Variants in GBP4 observed in about 807,000 individuals in gnomAD.
GBP4 encodes guanylate binding protein 4.
A neutral mutation model predicts 62.2 loss-of-function variants in GBP4; 69 were observed. The ratio of observed to expected loss-of-function variants is 1.11; its 90% confidence interval spans 0.91 to 1.36. The LOEUF is 1.36. GBP4 is among the 40% of genes most tolerant of loss of function. GBP4 has a pLI of 0.00. For missense variants in GBP4, 697 were observed against 759.3 expected, an observed-to-expected ratio of 0.92 and a Z score of 0.96; for synonymous variants, 278 against 274.6, an observed-to-expected ratio of 1.01 and a Z score of -0.12.
intron 10 of GBP4, among the ~76,000 whole-genome samples, chr1:89,185,777 G>T (rs10922588): frequency 6.6e-6 from 1 of 152,174 alleles, no homozygotes; most frequent in Non-Finnish European, 1.5e-5. Flanking sequence ...ATTTCCACTG[G>T]TGTAGCAAGG....
intron 2 of GBP4, among the ~76,000 whole-genome samples, chr1:89,195,687 G>C (rs1341116861): frequency 6.6e-6 from 1 of 152,172 alleles, no homozygotes; most frequent in Non-Finnish European, 1.5e-5. Context: ...TAGGACATTA[G>C]GGGGAAGAAA....
rs774864883 is a variant in GBP4 at position 89,193,382 on chromosome 1, C to A, written c.394G>T (p.Ala132Ser). 2.5e-6 allele frequency: 4 copies of A among 1,614,106 alleles called. No homozygotes were observed. In the Admixed American group the frequency reaches 6.7e-5, roughly 27 times the overall value. The part of the protein sequence containing the change: ...SNPKNDSWIF[A>S]LAVLLSSSFV... Reference sequence around the variant, plus strand: ...CTGCTGCTTAGAAGCACAGCCAGGGCAAAGATCCACGAGTCATTCTTAGGG... The same window carrying A: ...CTGCTGCTTAGAAGCACAGCCAGGGAAAAGATCCACGAGTCATTCTTAGGG... Residue 132 changes from alanine to serine, a missense_variant, in exon 4 of 11, where the codon GCC becomes TCC. Transcript: ENST00000355754.
rs138420061 is a variant in GBP4 at position 89,193,407 on chromosome 1, G to A, written c.369C>T (p.Asn123=). The change falls in exon 4 of 11, where the codon AAC becomes AAT. Residue 123 remains asparagine, a synonymous_variant. Transcript: ENST00000355754. The part of the protein sequence containing the change: ...TEGLGDVEKS[N]PKNDSWIFAL... Reference sequence around the variant, plus strand: ...CAAAGATCCACGAGTCATTCTTAGGGTTACTCTAGAAAGCATATAAAGCAA... The same window carrying A: ...CAAAGATCCACGAGTCATTCTTAGGATTACTCTAGAAAGCATATAAAGCAA... 2 of 1,613,044 alleles carry A rather than the reference G, an allele frequency of 1.2e-6. No individual in the cohort carries two copies. Among genetic ancestry groups the A allele is most frequent in the South Asian group, 1.1e-5 (1 of 91,056 alleles).
At chr1:89,198,567 C>G in intron 1 of GBP4, 1 of 553,148 alleles carries the variant, frequency 1.8e-6, no homozygotes, top group Non-Finnish European at 3.3e-6. Flanking sequence ...GACACCGGTG[C>G]GCCTCTGGTC....
intron 8 of GBP4, 106 bp downstream of exon 8, chr1:89,188,475 TC>T: frequency 1.1e-6 from 1 of 871,972 alleles, no homozygotes; most frequent in Middle Eastern, 2.4e-4. Flanking sequence ...AGCATCATGT[TC>T]TGCTTCCTCT....
In GBP4 at chr1:89,191,319, A is replaced by T; in HGVS notation, c.858T>A (p.Tyr286Ter). 1 of 1,614,240 alleles carries T rather than the reference A, an allele frequency of 6.2e-7. No homozygotes were observed. Among genetic ancestry groups the T allele is most frequent in the Non-Finnish European group, 8.5e-7 (1 of 1,180,024 alleles). Residue 286 changes from tyrosine (Y) to a stop codon, truncating the protein, a stop_gained, in exon 6 of 11, where the codon TAT (tyrosine) becomes TAA (stop). Coordinates refer to ENST00000355754, the MANE Select transcript of GBP4 (RefSeq NM_052941.5). LOFTEE classifies it high-confidence loss of function. ...FLMQSDNFCS[Y>*]IFTHAKTKTL... ...TCTTGGTCTTTGCATGGGTGAAGAT[A>T]TAAGAACAGAAGTTGTCTGATTGCA...
At position 89,198,908 on chromosome 1, in the gene GBP4, A is replaced by G; in HGVS notation, c.-74T>C. 1 of 1,382,232 alleles carries G rather than the reference A, an allele frequency of 7.2e-7. No individual in the cohort carries two copies. The highest frequency in any genetic ancestry group is 1.4e-5 in the African/African-American group (1 of 70,406). 85.6% of individuals were successfully genotyped at this position (1,382,232 alleles called of 1,614,324 possible). On this transcript the variant is annotated 5_prime_UTR_variant, in exon 1 of 11. Transcript: ENST00000355754. The stretch of plus-strand genomic sequence containing the variant: ...AAGCTGAAAGTCCAGCCGGATTTAC[A>G]GACATCCAAGTAAGAGTCTGTGAGA...
rs1241396915 is a variant in GBP4 at position 89,197,106 on chromosome 1, T to A, written c.235+4A>T. The A allele has an allele frequency of 6.2e-7, 1 of 1,607,870 alleles. No homozygotes were observed. Among genetic ancestry groups the A allele is most frequent in the African/African-American group, 1.3e-5 (1 of 74,966 alleles). ...AATGGCTCCTGTCCTAGGACCACACTCACCATTGCGCTTTCCTGCAAGACG... is the reference window on the plus strand; with the variant it reads ...AATGGCTCCTGTCCTAGGACCACACACACCATTGCGCTTTCCTGCAAGACG... On this transcript the variant is annotated splice_donor_region_variant and intron_variant, in intron 2 of 10. Coordinates refer to ENST00000355754, the MANE Select transcript of GBP4 (RefSeq NM_052941.5).
chr1:89,190,884 A>G (rs1363299483), intron 6 of GBP4, among the ~76,000 whole-genome samples: 2 of 152,076 alleles, frequency 1.3e-5, no homozygotes, highest in African/African-American at 4.8e-5. Flanking sequence ...TTGTTTCTCA[A>G]ACTCTCAATG....
In GBP4 at chr1:89,184,282, T is replaced by G. The variant is rs1234439554; in HGVS notation, c.*972A>C. 2.6e-5 allele frequency: 4 copies of G among 152,198 alleles called. No individual in the cohort carries two copies. The highest frequency in any genetic ancestry group is 2.6e-4 in the Admixed American group (4 of 15,278). The allele number at this position is 152,198 out of a possible 1,614,324, so 9.4% of individuals were successfully genotyped here. ...AGTTTAGCCACTGTGGAAAGCAGGT[T>G]GGTGATTCCTCAAAGAACTCAGAAT... On this transcript the variant is annotated 3_prime_UTR_variant, in exon 11 of 11. Coordinates refer to ENST00000355754, the MANE Select transcript of GBP4 (RefSeq NM_052941.5).
intron 10 of GBP4, 67 bp from the exon 11 acceptor site, chr1:89,185,536 T>A: frequency 1.2e-6 from 1 of 820,714 alleles, no homozygotes; most frequent in Non-Finnish European, 2.0e-6. Flanking sequence ...GTTTTGTATT[T>A]AACTAATTCA....
chr1:89,186,289 AG>A lies in GBP4; in HGVS notation c.1707+43del, dbSNP rs780044147. On this transcript the variant is annotated intron_variant, in intron 10 of 10. Transcript: ENST00000355754. ...TTGGTCCTTCCTTTCCTAAAGAAGC[AG>A]GGCATTGTCCCTCAGGCACTGCCAT... 5.3e-6 allele frequency: 8 copies of A among 1,513,312 alleles called. No homozygotes were observed. In the Admixed American group the frequency reaches 1.3e-4, roughly 24 times the overall value. 93.7% of individuals were successfully genotyped at this position (1,513,312 alleles called of 1,614,324 possible). A position where few individuals can be genotyped will look rare whatever the true frequency, so the allele number is the denominator to read the frequency against.
rs1647922066 is a variant in GBP4 at position 89,182,843 on chromosome 1, GTTTTACT to G, written c.*2404_*2410del. 2.6e-5 allele frequency: 4 copies of G among 152,136 alleles called. No individual in the cohort carries two copies. The highest frequency in any genetic ancestry group is 2.6e-4 in the Admixed American group (4 of 15,274). The allele number at this position is 152,136 out of a possible 1,614,324, so 9.4% of individuals were successfully genotyped here. On this transcript the variant is annotated 3_prime_UTR_variant, in exon 11 of 11. Coordinates refer to ENST00000355754, the MANE Select transcript of GBP4 (RefSeq NM_052941.5). ...CCTGGCGCTGGGCTGCCTGTCTTTG[GTTTTACT>G]TCCTTGTTGTTTTTTCTTAAAACAG... is the stretch of plus-strand genomic sequence containing the variant.
chr1:89,194,302 A>G (rs1648268174), intron 3 of GBP4, among the ~76,000 whole-genome samples: 1 of 152,354 alleles, frequency 6.6e-6, no homozygotes, highest in African/African-American at 2.4e-5. Flanking sequence ...TGGTCCCCAA[A>G]TCACATTACA....
At position 89,183,777 on chromosome 1, in the gene GBP4, G is replaced by A. The variant is rs983477932; in HGVS notation, c.*1477C>T. The A allele has an allele frequency of 1.3e-5, 2 of 152,266 alleles. No homozygotes were observed. Among genetic ancestry groups the A allele is most frequent in the African/African-American group, 4.8e-5 (2 of 41,448 alleles). 9.4% of individuals were successfully genotyped at this position (152,266 alleles called of 1,614,324 possible). On this transcript the variant is annotated 3_prime_UTR_variant, in exon 11 of 11. Transcript: ENST00000355754. ...CACCTGTAGTCCCAGCTATGTGGGG[G>A]GTTGAGGTGAAAGGACTGCTTGAGC...
At position 89,191,388 on chromosome 1, in the gene GBP4, A is replaced by T; in HGVS notation, c.789T>A (p.His263Gln). Reference protein sequence around the residue: ...RPTNDKQYLNHMDEVPEENLE... With the variant: ...RPTNDKQYLNQMDEVPEENLE... ...GATTTTCTTCTGGCACTTCGTCCAT[A>T]TGATTTAAATATTGCTTGTCATTTG... The change falls in exon 6 of 11, where the codon CAT becomes CAA. Residue 263 changes from histidine (H) to glutamine (Q), a missense_variant. By Grantham distance (24) the His-to-Gln change is conservative (BLOSUM62 0). Around this residue, in one of 2 missense-constraint regions of GBP4, gnomAD observed 556 missense variants for 562.7 expected, o/e 0.99. Coordinates refer to ENST00000355754, the MANE Select transcript of GBP4 (RefSeq NM_052941.5). 6.2e-7 allele frequency: 1 copy of T among 1,614,208 alleles called. No individual in the cohort carries two copies. Among genetic ancestry groups the T allele is most frequent in the Non-Finnish European group, 8.5e-7 (1 of 1,180,024 alleles).
intron 6 of GBP4, 135 bp downstream of exon 6, chr1:89,191,126 A>G: frequency 3.0e-6 from 3 of 1,013,434 alleles, no homozygotes; most frequent in Middle Eastern, 3.4e-4. Flanking sequence ...ATTCATTTCT[A>G]TGTGTGCAAT....
Position 89,184,170 on chromosome 1 carries a change from G to A in GBP4, c.*1084C>T, listed in dbSNP as rs1647967147. On this transcript the variant is annotated 3_prime_UTR_variant, in exon 11 of 11. Transcript: ENST00000355754. ...ATACCATCTCACACCAGTCAGAATGGCTGTTACTAGAAAGTCAATAAATAA... is the reference window on the plus strand; with the variant it reads ...ATACCATCTCACACCAGTCAGAATGACTGTTACTAGAAAGTCAATAAATAA... The A allele has an allele frequency of 6.6e-6, 1 of 152,292 alleles. No homozygotes were observed. Among genetic ancestry groups the A allele is most frequent in the African/African-American group, 2.4e-5 (1 of 41,568 alleles). The allele number at this position is 152,292 out of a possible 1,614,324, so 9.4% of individuals were successfully genotyped here.
rs1648232114 is a variant in GBP4 at position 89,193,059 on chromosome 1, C to G, written c.515G>C (p.Cys172Ser). 6.2e-7 allele frequency: 1 copy of G among 1,614,056 alleles called. No individual in the cohort carries two copies. The highest frequency in any genetic ancestry group is 8.5e-7 in the Non-Finnish European group (1 of 1,180,028). Reference sequence around the variant, plus strand: ...GTCCTCAGCTTCATCAGGTCTGGGGCAGGATTTTGCCCTGATTAGCTCTGC... The same window carrying G: ...GTCCTCAGCTTCATCAGGTCTGGGGGAGGATTTTGCCCTGATTAGCTCTGC... Reference protein sequence around the residue: ...ELAELIRAKSCPRPDEAEDSS... With the variant: ...ELAELIRAKSSPRPDEAEDSS... The change falls in exon 5 of 11, where the codon TGC becomes TCC. Residue 172 changes from cysteine to serine, a missense_variant. This residue lies in a region of GBP4 where 556 missense variants were observed against 562.7 expected (regional missense o/e 0.99). Coordinates refer to ENST00000355754, the MANE Select transcript of GBP4 (RefSeq NM_052941.5).
Sources: gnomAD v4.1 joint callset for allele counts (sites outside exome capture counted in the v4.1 genomes callset) on GRCh38, gnomAD v4.1.1 for gene constraint, gnomAD v4.1.1 regional missense constraint, MANE v1.5 for transcripts, NCBI Gene and HGNC (gene_info 2026-07-23, HGNC 2026-07-21) for gene names.